Variants in PRKCB observed in about 807,000 individuals in gnomAD.
PRKCB encodes the protein protein kinase C beta type.
PRKCB carries 13 observed loss-of-function variants against 81.5 expected under a neutral mutation model. That is an observed-to-expected ratio of 0.16 (90% CI 0.10 to 0.25). PRKCB has a LOEUF of 0.25. PRKCB is among the 10% of genes least tolerant of loss of function. PRKCB has a pLI of 1.00. For synonymous variants in PRKCB, 335 were observed against 321.4 expected, an observed-to-expected ratio of 1.04 and a Z score of -0.45; for missense variants, 509 against 875.7, an observed-to-expected ratio of 0.58 and a Z score of 5.29.
chr16:23,957,141 G>A (rs990160297), intron 2 of PRKCB, among the ~76,000 whole-genome samples: 3 of 152,018 alleles, frequency 2.0e-5, no homozygotes, highest in Non-Finnish European at 4.4e-5. Context: ...ATGTATTCAT[G>A]AATTGCTTAT....
intron 3 of PRKCB, among the ~76,000 whole-genome samples, chr16:23,989,259 C>A (rs972362358): frequency 1.3e-5 from 2 of 151,996 alleles, no homozygotes; most frequent in South Asian, 2.1e-4. Context: ...TCACTGTGCC[C>A]GGCCTATTAT....
Position 24,217,718 on chromosome 16 carries a change from G to A in PRKCB, c.*2902G>A. ...GGTCAGAAGGGAATCTTTGATAAGA[G>A]GCCCACAGGCAGGGAAAGCGAAATA... On this transcript the variant is annotated 3_prime_UTR_variant, in exon 17 of 17. Coordinates refer to ENST00000643927, the MANE Select transcript of PRKCB (RefSeq NM_002738.7). The A allele has an allele frequency of 1.0e-6, 1 of 985,428 alleles. No individual in the cohort carries two copies. The highest frequency in any genetic ancestry group is 1.2e-6 in the Non-Finnish European group (1 of 829,964). 61.0% of individuals were successfully genotyped at this position (985,428 alleles called of 1,614,324 possible).
chr16:24,182,173 T>A (rs1967636707), intron 13 of PRKCB, among the ~76,000 whole-genome samples: 1 of 152,124 alleles, frequency 6.6e-6, no homozygotes, highest in African/African-American at 2.4e-5. Context: ...GGTTCCATAA[T>A]CTCTGGTTCT....
chr16:24,002,354 T>C (rs901958042), intron 3 of PRKCB, among the ~76,000 whole-genome samples: 15 of 151,950 alleles, frequency 9.9e-5, no homozygotes. Context: ...TGCGTGCGTG[T>C]GTGTGTGTGA....
chr16:24,101,658 G>C (rs1369566294), intron 7 of PRKCB, among the ~76,000 whole-genome samples: 2 of 152,250 alleles, frequency 1.3e-5, no homozygotes, highest in Non-Finnish European at 2.9e-5. Flanking sequence ...ATTAGAAGCA[G>C]ATGGAGTTAG....
chr16:23,968,265 C>G (rs1179948832), intron 2 of PRKCB, among the ~76,000 whole-genome samples: 2 of 152,216 alleles, frequency 1.3e-5, no homozygotes, highest in South Asian at 2.1e-4. Context: ...GAAATAGAAC[C>G]ATTCAGGTGG....
In PRKCB at chr16:24,094,276, A is replaced by G; in HGVS notation, c.800A>G (p.Gln267Arg). 1 of 1,614,220 alleles carries G rather than the reference A, an allele frequency of 6.2e-7. No individual in the cohort carries two copies. The highest frequency in any genetic ancestry group is 2.2e-5 in the East Asian group (1 of 44,882). ...GSLSFGISELQKASVDGWFKL... is the reference protein window; with the variant it reads ...GSLSFGISELRKASVDGWFKL... The stretch of plus-strand genomic sequence containing the variant: ...TTGTCCTTTGGGATTTCTGAACTTC[A>G]GAAAGCCAGTGTTGATGGCTGGTAA... Residue 267 changes from glutamine to arginine, a missense_variant, in exon 7 of 17, where the codon CAG becomes CGG. Physicochemically the swap from Gln to Arg is conservative, Grantham distance 43 (BLOSUM62 1). Coordinates refer to ENST00000643927, the MANE Select transcript of PRKCB (RefSeq NM_002738.7).
chr16:24,110,146 G>C (rs1461687009), intron 7 of PRKCB, among the ~76,000 whole-genome samples: 4 of 119,050 alleles, frequency 3.4e-5, no homozygotes, highest in African/African-American at 1.7e-4. Context: ...GGAGAGGAGG[G>C]AGAGGAGGGA....
intron 6 of PRKCB, 141 bp from the exon 7 acceptor site, chr16:24,094,021 TG>T: frequency 1.0e-6 from 1 of 975,944 alleles, no homozygotes; most frequent in Non-Finnish European, 1.5e-6. Context: ...AGAGCTAGCC[TG>T]GGATGGAAAC....
chr16:24,192,258 G>A (rs941451995), intron 16 of PRKCB, among the ~76,000 whole-genome samples: 4 of 152,250 alleles, frequency 2.6e-5, no homozygotes, highest in African/African-American at 4.8e-5. Flanking sequence ...CTGGTACAGA[G>A]GAGGCACTCA....
chr16:23,931,367 A>G (rs1256076326), intron 2 of PRKCB, among the ~76,000 whole-genome samples: 1 of 152,226 alleles, frequency 6.6e-6, no homozygotes, highest in Non-Finnish European at 1.5e-5. Context: ...GACAGATGGC[A>G]GACAGCTACA....
chr16:24,135,939 C>T (rs146568290), intron 9 of PRKCB, among the ~76,000 whole-genome samples: 2 of 152,274 alleles, frequency 1.3e-5, no homozygotes, highest in East Asian at 3.9e-4. Flanking sequence ...TGTTTGCTAC[C>T]TGTTTCCTTA....
intron 2 of PRKCB, among the ~76,000 whole-genome samples, chr16:23,981,878 TTCCCCTTCCCCTCCCCTTCCCC>T (rs1964722700): frequency 1.2e-4 from 1 of 8,054 alleles, no homozygotes; most frequent in Non-Finnish European, 2.3e-4. Context: ...TCCCCTTCCC[TTCCCCTTCCCCTCCCCTTCCCC>T]TTCCCTTCCC....
At chr16:23,938,749 C>T (rs1964096983) in intron 2 of PRKCB, among the ~76,000 whole-genome samples, 1 of 152,082 alleles carries the variant, frequency 6.6e-6, no homozygotes, top group Non-Finnish European at 1.5e-5. Flanking sequence ...TGAAGTAAAA[C>T]TAGAAGTTAA....
chr16:23,957,032 A>T (rs2141785364), intron 2 of PRKCB, among the ~76,000 whole-genome samples: 1 of 151,238 alleles, frequency 6.6e-6, no homozygotes, highest in East Asian at 1.9e-4. Flanking sequence ...TTTTAGGAGC[A>T]TACTTCTGTA....
chr16:24,117,390 C>T (rs1966747974), intron 8 of PRKCB, among the ~76,000 whole-genome samples: 1 of 152,138 alleles, frequency 6.6e-6, no homozygotes, highest in Non-Finnish European at 1.5e-5. Flanking sequence ...AAGAAGACTC[C>T]ATTTTGGATG....
At chr16:24,037,601 C>T (rs1965640388) in intron 5 of PRKCB, among the ~76,000 whole-genome samples, 1 of 152,094 alleles carries the variant, frequency 6.6e-6, no homozygotes, top group Non-Finnish European at 1.5e-5. Context: ...ATGCCCTCCA[C>T]CGTATTTATT....
intron 2 of PRKCB, among the ~76,000 whole-genome samples, chr16:23,966,497 A>G (rs1388379862): frequency 6.6e-6 from 1 of 152,234 alleles, no homozygotes; most frequent in Non-Finnish European, 1.5e-5. Flanking sequence ...CAATATGTGG[A>G]AAGTATTTAC....
Position 23,972,060 on chromosome 16 carries a change from A to G in PRKCB, c.206-16448A>G, listed in dbSNP as rs2141803395. On this transcript the variant is annotated intron_variant, in intron 2 of 16. Transcript: ENST00000643927. Reference sequence around the variant, plus strand: ...AATATTGATCAGTAGATGAATGGATAAGCAAACTTTAGAATAATCATATAA... The same window carrying G: ...AATATTGATCAGTAGATGAATGGATGAGCAAACTTTAGAATAATCATATAA... 1.3e-5 allele frequency among the ~76,000 whole-genome samples: 2 copies of G among 152,344 alleles called. 1 individual carries two copies. The highest frequency in any genetic ancestry group is 4.1e-4 in the South Asian group (2 of 4,832).
Sources: allele counts gnomAD v4.1 joint callset (sites outside exome capture counted in the v4.1 genomes callset), GRCh38; gene constraint gnomAD v4.1.1; transcripts MANE v1.5; gene names NCBI Gene and HGNC (gene_info 2026-07-23, HGNC 2026-07-21).